Variants in NLE1 observed in about 807,000 individuals in gnomAD.
NLE1 encodes notchless homolog 1.
In NLE1, 37 loss-of-function variants were observed where a neutral mutation model predicts 62.8. The ratio of observed to expected loss-of-function variants is 0.59; its 90% CI spans 0.45 to 0.78. NLE1 has a LOEUF of 0.78. NLE1 is among the 30% of genes least tolerant of loss of function. NLE1 has a pLI of 0.00. For synonymous variants in NLE1, 243 were observed against 253.0 expected (o/e 0.96, Z 0.37); for missense variants, 555 against 637.9 (o/e 0.87, Z 1.40).
chr17:35,133,324 G>A lies in NLE1; in HGVS notation c.1374+15C>T. ...TCCAATCCCAGTCCCTCCTTTGCCT[G>A]AGGGTTGGCCCTACCTCATCCGCGT... is the stretch of plus-strand genomic sequence containing the variant. On this transcript the variant is annotated intron_variant, in intron 11 of 12. Coordinates refer to ENST00000442241, the MANE Select transcript of NLE1 (RefSeq NM_018096.5). The A allele has an allele frequency of 1.2e-6, 2 of 1,614,218 alleles. No individual in the cohort carries two copies. Among genetic ancestry groups the A allele is most frequent in the African/African-American group, 1.3e-5 (1 of 75,060 alleles).
At position 35,128,871 on chromosome 17, in the gene NLE1, A is replaced by C. The variant is rs1286209581; in HGVS notation, c.*3566T>G. 5.7e-6 allele frequency: 1 copy of C among 175,594 alleles called. No homozygotes were observed. Among genetic ancestry groups the C allele is most frequent in the African/African-American group, 2.4e-5 (1 of 41,898 alleles). 10.9% of individuals were successfully genotyped at this position (175,594 alleles called of 1,614,324 possible). ...CCTGAGCTTGTTTTCCTGCAACGAG[A>C]GGGTCCCATTTGGGGGTGATGGGAG... On this transcript the variant is annotated 3_prime_UTR_variant, in exon 13 of 13. Coordinates refer to ENST00000442241, the MANE Select transcript of NLE1 (RefSeq NM_018096.5).
Position 35,132,277 on chromosome 17 carries a change from C to A in NLE1, c.*160G>T, listed in dbSNP as rs1051427215. On this transcript the variant is annotated 3_prime_UTR_variant, in exon 13 of 13. Coordinates refer to ENST00000442241, the MANE Select transcript of NLE1 (RefSeq NM_018096.5). Reference sequence around the variant, plus strand: ...CCACAGGCGGGGATCTGTGGGAAAACCCCATTCCGGTCTATCGAGGACAGC... The same window carrying A: ...CCACAGGCGGGGATCTGTGGGAAAAACCCATTCCGGTCTATCGAGGACAGC... The A allele has an allele frequency of 3.9e-6, 2 of 513,138 alleles. No homozygotes were observed. 31.8% of individuals were successfully genotyped at this position (513,138 alleles called of 1,614,324 possible).
chr17:35,130,181 T>C lies in NLE1; in HGVS notation c.*2256A>G. The C allele has an allele frequency of 6.6e-7, 1 of 1,506,448 alleles. No individual in the cohort carries two copies. The highest frequency in any genetic ancestry group is 8.8e-7 in the Non-Finnish European group (1 of 1,130,800). The allele number at this position is 1,506,448 out of a possible 1,614,324, so 93.3% of individuals were successfully genotyped here. A position where few individuals can be genotyped will look rare whatever the true frequency, so the allele number is the denominator to read the frequency against. On this transcript the variant is annotated 3_prime_UTR_variant, in exon 13 of 13. Transcript: ENST00000442241. ...CTAGGTTGGATAAGGCTGTTTAAGG[T>C]CTGAGTCAGCAGACAGAAAAAAAAG...
At position 35,142,034 on chromosome 17, in the gene NLE1, G is replaced by A. The variant is rs1328208085; in HGVS notation, c.107C>T (p.Pro36Leu). Residue 36 changes from proline (P) to leucine (L), a missense_variant, in exon 2 of 13, where the codon CCC (proline) becomes CTC (leucine). Coordinates refer to ENST00000442241, the MANE Select transcript of NLE1 (RefSeq NM_018096.5). ...GQLLGSPFDV[P>L]VDITPDRLQL... ...CAGCCTGTCCGGGGTGATGTCCACG[G>A]GCACGTCGAACGGGGAACCCAGCAG... 1.2e-6 allele frequency: 2 copies of A among 1,610,858 alleles called. No homozygotes were observed. The highest frequency in any genetic ancestry group is 2.2e-5 in the South Asian group (2 of 90,594).
Position 35,133,175 on chromosome 17 carries a change from G to A in NLE1, c.1441C>T (p.Arg481Trp), listed in dbSNP as rs758676653. Residue 481 changes from arginine to tryptophan, a missense_variant, in exon 12 of 13, where the codon CGG becomes TGG. By Grantham distance (101) the Arg-to-Trp change is moderately radical (BLOSUM62 -3). Coordinates refer to ENST00000442241, the MANE Select transcript of NLE1 (RefSeq NM_018096.5). ...VASGGKDKCL[R>W]IWRR ...CACCACTTCCCCCACACTCACATCC[G>A]GAGGCATTTGTCCTTCCCACCACTT... 40 of 1,613,912 alleles carry A rather than the reference G, an allele frequency of 2.5e-5. No individual in the cohort carries two copies. The highest frequency in any genetic ancestry group is 3.0e-5 in the Non-Finnish European group (35 of 1,179,900).
rs536159791 is a variant in NLE1 at position 35,135,027 on chromosome 17, C to T, written c.1214+222G>A. 3.6e-5 allele frequency: 23 copies of T among 643,100 alleles called. No individual in the cohort carries two copies. The Admixed American group carries it at 4.8e-4, about 13-fold the overall frequency. 39.8% of individuals were successfully genotyped at this position (643,100 alleles called of 1,614,324 possible). ...AGATCGTGCCGCTGCACTCGAGCCA[C>T]TTGAACACCAGGTGACAGAGTGAAA... On this transcript the variant is annotated intron_variant, in intron 10 of 12. Transcript: ENST00000442241.
Position 35,137,584 on chromosome 17 carries a change from G to A in NLE1, c.594C>T (p.His198=), listed in dbSNP as rs148987843. The A allele has an allele frequency of 6.2e-7, 1 of 1,610,668 alleles. No homozygotes were observed. The highest frequency in any genetic ancestry group is 8.5e-7 in the Non-Finnish European group (1 of 1,179,984). Residue 198 remains histidine (H), a synonymous_variant, in exon 6 of 13, where the codon CAC becomes CAT. Transcript: ENST00000442241. ...AGCTCAGGCCTGTGATCCACTTGCT[G>A]TGGCCAGCGAGGGTCCTGCCCACCT... ...GKQVGRTLAG[H]SKWITGLSWE... is the part of the protein sequence containing the mutation.
chr17:35,137,216 C>A lies in NLE1; in HGVS notation c.636-23G>T, dbSNP rs78469973. On this transcript the variant is annotated intron_variant, in intron 6 of 12. Transcript: ENST00000442241. ...TTCCTGGAGAGAAGGGAGATGTGAC[C>A]TCATCTGTGACCTGGCAACATCTGT... is the stretch of plus-strand genomic sequence containing the variant. 4.6e-4 allele frequency: 733 copies of A among 1,583,590 alleles called. 5 individuals are homozygous for A. In the African/African-American group the frequency reaches 8.9e-3, roughly 19 times the overall value.
Position 35,142,281 on chromosome 17 carries a change from G to A in NLE1, c.-6C>T. Reference sequence around the variant, plus strand: ...ACCGGCACTGCTGCCGCCATCCTGCGTCCCCACGTGGAGGAGAAAGAGCCC... The same window carrying A: ...ACCGGCACTGCTGCCGCCATCCTGCATCCCCACGTGGAGGAGAAAGAGCCC... On this transcript the variant is annotated 5_prime_UTR_variant, in exon 1 of 13. It adds an upstream start codon to the 5' untranslated region. Coordinates refer to ENST00000442241, the MANE Select transcript of NLE1 (RefSeq NM_018096.5). 6.5e-7 allele frequency: 1 copy of A among 1,540,252 alleles called. No homozygotes were observed. Among genetic ancestry groups the A allele is most frequent in the Non-Finnish European group, 8.7e-7 (1 of 1,146,056 alleles).
intron 6 of NLE1, among the ~76,000 whole-genome samples, 157 bp from the exon 7 acceptor site, chr17:35,137,350 C>A (rs1300144625): frequency 2.0e-5 from 3 of 152,184 alleles, no homozygotes; most frequent in East Asian, 3.9e-4. Flanking sequence ...AACCAGCAGA[C>A]CCTGTGATGA....
chr17:35,136,145 T>A, intron 9 of NLE1, 24 bp downstream of exon 9: 1 of 1,613,400 alleles, frequency 6.2e-7, no homozygotes, highest in Non-Finnish European at 8.5e-7. Flanking sequence ...GAGCTAGGGG[T>A]GCACGTGGCT....
At position 35,141,964 on chromosome 17, in the gene NLE1, T is replaced by C; in HGVS notation, c.162+15A>G. The C allele has an allele frequency of 1.3e-6, 2 of 1,561,646 alleles. No individual in the cohort carries two copies. The highest frequency in any genetic ancestry group is 8.7e-7 in the Non-Finnish European group (1 of 1,153,312). On this transcript the variant is annotated intron_variant, in intron 2 of 12. Transcript: ENST00000442241. ...CGGGGGTGGAGATGCGAGGCCGCCC[T>C]GGCCAGCCACTTACCTGGGCCAGTA... is the stretch of plus-strand genomic sequence containing the variant.
Position 35,137,204 on chromosome 17 carries a change from G to A in NLE1, c.636-11C>T. ...CGGCACTCAGGGTTCCTGGAGAGAA[G>A]GGAGATGTGACCTCATCTGTGACCT... On this transcript the variant is annotated splice_polypyrimidine_tract_variant and intron_variant, in intron 6 of 12. Transcript: ENST00000442241. The A allele has an allele frequency of 6.3e-7, 1 of 1,597,682 alleles. No homozygotes were observed. The highest frequency in any genetic ancestry group is 1.1e-5 in the South Asian group (1 of 90,108).
chr17:35,139,822 C>T (rs778085445), intron 3 of NLE1, 27 bp downstream of exon 3: 5 of 1,604,874 alleles, frequency 3.1e-6, no homozygotes, highest in Non-Finnish European at 4.2e-6. Flanking sequence ...CCACATACCC[C>T]CTCCATGAGT....
At chr17:35,133,265 G>A in intron 11 of NLE1, 24 bp from the exon 12 acceptor site, 2 of 1,614,108 alleles carry the variant, frequency 1.2e-6, no homozygotes, top group African/African-American at 1.3e-5. Context: ...GAGGAAGGCA[G>A]GTGGGGTGGT....
chr17:35,139,488 C>G (rs1020873416), intron 3 of NLE1, among the ~76,000 whole-genome samples, 174 bp from the exon 4 acceptor site: 1 of 152,236 alleles, frequency 6.6e-6, no homozygotes, highest in African/African-American at 2.4e-5. Context: ...TCTTTCCTCT[C>G]CACAGCTATA....
chr17:35,139,319 G>A lies in NLE1; in HGVS notation c.381-5C>T. The A allele has an allele frequency of 6.2e-7, 1 of 1,613,408 alleles. No individual in the cohort carries two copies. Among genetic ancestry groups the A allele is most frequent in the Non-Finnish European group, 8.5e-7 (1 of 1,179,474 alleles). On this transcript the variant is annotated splice_region_variant and splice_polypyrimidine_tract_variant and intron_variant, in intron 3 of 12. Transcript: ENST00000442241. ...CCAGAGCCACTGGCCAGGTACCTGG[G>A]GAAGAAGAGAGGATGCTTGACACTG...
Position 35,130,009 on chromosome 17 carries a change from G to A in NLE1, c.*2428C>T, listed in dbSNP as rs17629188. On this transcript the variant is annotated 3_prime_UTR_variant, in exon 13 of 13. Transcript: ENST00000442241. ...TAGGGAAGACAAGAGGCTAAAGGGG[G>A]ACGAAGAAGGGAACAGCCTGGGTAT... 0.14 allele frequency: 190,373 copies of A among 1,379,162 alleles called. 14,329 individuals are homozygous for A. The highest frequency in any genetic ancestry group is 0.17 in the Middle Eastern group (617 of 3,662). The allele number at this position is 1,379,162 out of a possible 1,614,324, so 85.4% of individuals were successfully genotyped here.
At chr17:35,140,601 T>C (rs968357432) in intron 2 of NLE1, among the ~76,000 whole-genome samples, 6 of 151,500 alleles carry the variant, frequency 4.0e-5, no homozygotes, top group African/African-American at 9.7e-5. Flanking sequence ...CTTTTTTCTT[T>C]TTTTTTTGAG....
Sources: allele counts gnomAD v4.1 joint callset (sites outside exome capture counted in the v4.1 genomes callset), GRCh38; gene constraint gnomAD v4.1.1; transcripts MANE v1.5; gene names NCBI Gene and HGNC (gene_info 2026-07-23, HGNC 2026-07-21).